DSCAM: variants seen among roughly 807,000 people sequenced by gnomAD.
The protein encoded by DSCAM is DS cell adhesion molecule, also known as cell adhesion molecule DSCAM.
Under a neutral mutation model 217.7 loss-of-function variants are expected in DSCAM, and 47 were observed. The ratio of observed to expected loss-of-function variants is 0.22; its 90% confidence interval spans 0.17 to 0.28. The LOEUF (loss-of-function observed/expected upper bound fraction) is 0.28. DSCAM is among the 10% of genes least tolerant of loss of function. The pLI is 1.00. For missense variants in DSCAM, 2,080 were observed against 2,618.3 expected (o/e 0.79, Z 4.49); for synonymous variants, 1,056 against 1,015.3 (o/e 1.04, Z -0.76).
chr21:40,308,398 C>G (rs189533124), intron 9 of DSCAM, among the ~76,000 whole-genome samples: 235 of 152,256 alleles, frequency 1.5e-3, no homozygotes, highest in Non-Finnish European at 2.2e-3. Context: ...TTCCCCTATT[C>G]TGGCTAGTTA....
intron 3 of DSCAM, among the ~76,000 whole-genome samples, chr21:40,586,137 A>G (rs1052290462): frequency 6.6e-6 from 1 of 152,118 alleles, no homozygotes; most frequent in African/African-American, 2.4e-5. Flanking sequence ...GATTATAGAC[A>G]TGAGCCAACA....
intron 3 of DSCAM, among the ~76,000 whole-genome samples, chr21:40,438,122 G>A (rs921328452): frequency 2.0e-5 from 3 of 152,200 alleles, no homozygotes; most frequent in Non-Finnish European, 4.4e-5. Flanking sequence ...CATCGAGTCT[G>A]TATTCTGCCA....
At chr21:40,240,106 T>C (rs2073129132) in intron 11 of DSCAM, among the ~76,000 whole-genome samples, 1 of 152,186 alleles carries the variant, frequency 6.6e-6, no homozygotes, top group Admixed American at 6.5e-5. Context: ...TCACAAGATC[T>C]GCCCCTGGGC....
intron 11 of DSCAM, among the ~76,000 whole-genome samples, chr21:40,274,246 A>C (rs1241458476): frequency 6.6e-6 from 1 of 152,078 alleles, no homozygotes; most frequent in Non-Finnish European, 1.5e-5. Context: ...TCCATTCTTG[A>C]AGCCTATTTT....
At chr21:40,229,364 A>G (rs779371720) in intron 11 of DSCAM, among the ~76,000 whole-genome samples, 2 of 152,218 alleles carry the variant, frequency 1.3e-5, no homozygotes, top group African/African-American at 4.8e-5. Context: ...TTTTAATTAC[A>G]TTTTAATTCA....
intron 10 of DSCAM, among the ~76,000 whole-genome samples, chr21:40,294,206 A>G (rs753045988): frequency 6.6e-6 from 1 of 152,252 alleles, no homozygotes; most frequent in Non-Finnish European, 1.5e-5. Flanking sequence ...TCCAAGACAG[A>G]CAAAGTATTA....
chr21:40,461,389 A>G (rs368622440), intron 3 of DSCAM, among the ~76,000 whole-genome samples: 170 of 152,280 alleles, frequency 1.1e-3, no homozygotes, highest in African/African-American at 3.9e-3. Flanking sequence ...CATATGATTC[A>G]TTACCCACAG....
chr21:40,111,920 T>A (rs892404608), intron 20 of DSCAM, among the ~76,000 whole-genome samples: 32 of 151,886 alleles, frequency 2.1e-4, no homozygotes, highest in African/African-American at 7.7e-4. Context: ...ATAAAGCAAG[T>A]CCTTAGAGAC....
chr21:40,777,726 T>A (rs913372614), intron 1 of DSCAM, among the ~76,000 whole-genome samples: 11 of 152,002 alleles, frequency 7.2e-5, no homozygotes, highest in African/African-American at 2.7e-4. Context: ...AGAAAATCAT[T>A]AAAAAGATAC....
chr21:40,687,776 G>A (rs773065825), intron 3 of DSCAM, among the ~76,000 whole-genome samples: 9 of 152,088 alleles, frequency 5.9e-5, no homozygotes, highest in African/African-American at 1.9e-4. Flanking sequence ...GGCCCTAAGC[G>A]CCTACTGCAG....
At chr21:40,639,641 C>T (rs751233973) in intron 3 of DSCAM, among the ~76,000 whole-genome samples, 3 of 151,872 alleles carry the variant, frequency 2.0e-5, no homozygotes, top group Middle Eastern at 3.4e-3. Context: ...AAATAATGTA[C>T]AATTTGTATG....
chr21:40,577,770 G>A (rs1345046819), intron 3 of DSCAM, among the ~76,000 whole-genome samples: 1 of 152,192 alleles, frequency 6.6e-6, no homozygotes, highest in Non-Finnish European at 1.5e-5. Context: ...ATGATTACAG[G>A]AAAGTAAACA....
At chr21:40,198,887 T>C (rs1287922771) in intron 11 of DSCAM, among the ~76,000 whole-genome samples, 3 of 152,166 alleles carry the variant, frequency 2.0e-5, no homozygotes, top group Admixed American at 6.5e-5. Flanking sequence ...CTGCAGATAA[T>C]CTTTGGCTTG....
intron 3 of DSCAM, chr21:40,618,883 G>A (rs2089442199): frequency 6.6e-6 from 1 of 152,302 alleles, no homozygotes; most frequent in Non-Finnish European, 1.5e-5. Context: ...AGGTGGAAGG[G>A]ACAACATGGC....
At chr21:40,289,314 C>A (rs1344058701) in intron 10 of DSCAM, among the ~76,000 whole-genome samples, 4 of 152,190 alleles carry the variant, frequency 2.6e-5, no homozygotes, top group Admixed American at 6.5e-5. Context: ...GAGAGCCAAG[C>A]CTCCATCAGT....
chr21:40,458,913 T>C (rs2075784262), intron 3 of DSCAM, among the ~76,000 whole-genome samples: 1 of 151,774 alleles, frequency 6.6e-6, no homozygotes, highest in Admixed American at 6.6e-5. Context: ...ACCAAAACGG[T>C]GACTGGAGAA....
chr21:40,781,011 CA>C (rs202171179), intron 1 of DSCAM, among the ~76,000 whole-genome samples: 1,999 of 87,598 alleles, frequency 0.023, 19 homozygotes, highest in Non-Finnish European at 0.04. Context: ...TTAATAGTAA[CA>C]TTTTTTTTTT....
At chr21:40,543,591 G>A (rs1235775556) in intron 3 of DSCAM, among the ~76,000 whole-genome samples, 3 of 152,022 alleles carry the variant, frequency 2.0e-5, no homozygotes, top group African/African-American at 7.2e-5. Context: ...GTCTGTGGAG[G>A]AAAGGAATGG....
intron 3 of DSCAM, among the ~76,000 whole-genome samples, chr21:40,495,039 T>G (rs1273713788): frequency 1.3e-5 from 2 of 151,916 alleles, no homozygotes; most frequent in Non-Finnish European, 2.9e-5. Flanking sequence ...GACTGAATCA[T>G]GAATATAACA....
Sources: gnomAD v4.1 joint callset for allele counts (sites outside exome capture counted in the v4.1 genomes callset) on GRCh38, gnomAD v4.1.1 for gene constraint, MANE v1.5 for transcripts, NCBI Gene and HGNC (gene_info 2026-07-23, HGNC 2026-07-21) for gene names.